The following PIEZO2 variants were observed in gnomAD, a reference collection of about 807,000 sequenced individuals.
PIEZO2 encodes the protein piezo-type mechanosensitive ion channel component 2.
A neutral mutation model predicts 337.3 loss-of-function variants in PIEZO2; 172 were observed. The ratio of observed to expected loss-of-function variants is 0.51; its 90% confidence interval spans 0.45 to 0.58. PIEZO2 has a LOEUF of 0.58. PIEZO2 is among the 20% of genes least tolerant of loss of function. The probability of loss-of-function intolerance (pLI) is 0.00; values close to 1 mark genes in which losing one functional copy is unlikely to be tolerated. For missense variants in PIEZO2, 3,028 were observed against 3,391.3 expected, an observed-to-expected ratio of 0.89 and a Z score of 2.66; for synonymous variants, 1,251 against 1,228.5, an observed-to-expected ratio of 1.02 and a Z score of -0.38.
At chr18:10,715,921 C>T in intron 37 of PIEZO2, 105 bp from the exon 38 acceptor site, 1 of 898,522 alleles carries the variant, frequency 1.1e-6, no homozygotes, top group Non-Finnish European at 1.6e-6. Context: ...GGCTCTTGGC[C>T]CGTGCATCTA....
At position 10,773,254 on chromosome 18, in the gene PIEZO2, A is replaced by G. The variant is rs2038665823; in HGVS notation, c.2785+158T>C. 6.6e-6 allele frequency among the ~76,000 whole-genome samples: 1 copy of G among 152,256 alleles called. No homozygotes were observed. Among genetic ancestry groups the G allele is most frequent in the African/African-American group, 2.4e-5 (1 of 41,476 alleles). On this transcript the variant is annotated intron_variant, in intron 20 of 55. Coordinates refer to ENST00000674853, the MANE Select transcript of PIEZO2 (RefSeq NM_001378183.1). The surrounding 1 kb of genome is among the most constrained non-coding windows in gnomAD (Gnocchi z 5.3). The stretch of plus-strand genomic sequence containing the variant: ...AAAAGAAATTGTTGGAGCAATTGGA[A>G]CAGTAATATTATAACTATAGCAATC...
chr18:10,791,573 A>C, intron 13 of PIEZO2: 1 of 263,794 alleles, frequency 3.8e-6, no homozygotes, highest in Non-Finnish European at 7.3e-6. Context: ...AGATGAACCC[A>C]ACCTTTCTAA....
In PIEZO2 at chr18:10,726,551, G is replaced by A; in HGVS notation, c.5029+4856C>T. The A allele has an allele frequency of 1.4e-6, 2 of 1,412,892 alleles. No individual in the cohort carries two copies. Among genetic ancestry groups the A allele is most frequent in the Admixed American group, 2.5e-5 (1 of 39,970 alleles). The allele number at this position is 1,412,892 out of a possible 1,614,324, so 87.5% of individuals were successfully genotyped here. Reference sequence around the variant, plus strand: ...GCTGCTCTGCTCTGCTACACCAGCCGCCACGCTGTGCGTCTGTCCTTCCGC... The same window carrying A: ...GCTGCTCTGCTCTGCTACACCAGCCACCACGCTGTGCGTCTGTCCTTCCGC... On this transcript the variant is annotated intron_variant, in intron 36 of 55. Transcript: ENST00000674853. The surrounding 1 kb of genome is among the most constrained non-coding windows in gnomAD (Gnocchi z 5.9).
intron 36 of PIEZO2, among the ~76,000 whole-genome samples, chr18:10,730,852 G>A (rs866368620): frequency 3.3e-5 from 5 of 151,962 alleles, no homozygotes; most frequent in Non-Finnish European, 5.9e-5. Flanking sequence ...TCAGCCTCCC[G>A]AGTAGCTGGG....
At chr18:10,725,366 G>A (rs1358869684) in intron 36 of PIEZO2, 23 of 1,605,722 alleles carry the variant, frequency 1.4e-5, no homozygotes, top group South Asian at 2.2e-5. Context: ...TGTCCCAGGC[G>A]GTGATGATGG....
chr18:11,065,849 T>C (rs893080603), intron 2 of PIEZO2, among the ~76,000 whole-genome samples: 4 of 152,250 alleles, frequency 2.6e-5, no homozygotes, highest in Non-Finnish European at 5.9e-5. Flanking sequence ...GAGTTAGTAG[T>C]GTTAACTAGC....
chr18:10,761,803 A>C (rs1374151873), intron 23 of PIEZO2, among the ~76,000 whole-genome samples: 3 of 152,204 alleles, frequency 2.0e-5, no homozygotes, highest in Admixed American at 1.3e-4. Context: ...TACATTTAAA[A>C]ATCCCAGGTG....
chr18:10,788,998 T>C (rs1012325070), intron 15 of PIEZO2, 81 bp downstream of exon 15: 2 of 1,373,252 alleles, frequency 1.5e-6, no homozygotes, highest in Non-Finnish European at 1.9e-6. Context: ...GAGATTCTAG[T>C]GATTTAAAAT....
intron 2 of PIEZO2, among the ~76,000 whole-genome samples, chr18:11,056,041 G>A (rs1052253863): frequency 6.6e-6 from 1 of 152,164 alleles, no homozygotes; most frequent in African/African-American, 2.4e-5. Context: ...CCCTTGCAGG[G>A]ATACCTGGCA....
chr18:10,733,222 ATGAGAAT>A (rs1206802809), intron 35 of PIEZO2, among the ~76,000 whole-genome samples: 2 of 152,188 alleles, frequency 1.3e-5, no homozygotes, highest in African/African-American at 4.8e-5. Flanking sequence ...CCTCACTGCC[ATGAGAAT>A]TGAGGTATGC....
chr18:11,132,636 C>G lies in PIEZO2; in HGVS notation c.64+15889G>C, dbSNP rs1467840750. On this transcript the variant is annotated intron_variant, in intron 1 of 55. Transcript: ENST00000674853. This position sits in a 1 kb window ranked among gnomAD's most constrained non-coding sequence, Gnocchi z 4.7. Reference sequence around the variant, plus strand: ...CTTCCTGTTCCCGTGACATTACGTTCTGCTGGCCTAGAGGTCTTAGTTCCA... The same window carrying G: ...CTTCCTGTTCCCGTGACATTACGTTGTGCTGGCCTAGAGGTCTTAGTTCCA... Among the ~76,000 whole-genome samples the G allele has an allele frequency of 1.3e-5, 2 of 152,066 alleles. No homozygotes were observed. The highest frequency in any genetic ancestry group is 4.8e-5 in the African/African-American group (2 of 41,360).
At chr18:10,698,145 G>T (rs992885248) in intron 44 of PIEZO2, among the ~76,000 whole-genome samples, 2 of 152,218 alleles carry the variant, frequency 1.3e-5, no homozygotes, top group African/African-American at 4.8e-5. Flanking sequence ...AGTTTTTATT[G>T]TGCTAACTAG....
At chr18:10,756,789 G>A (rs2037876032) in intron 27 of PIEZO2, among the ~76,000 whole-genome samples, 1 of 150,140 alleles carries the variant, frequency 6.7e-6, no homozygotes, top group African/African-American at 2.5e-5. Flanking sequence ...AAGATTAGGA[G>A]GGGGGATGGA....
chr18:10,771,365 T>A (rs2038598070), intron 20 of PIEZO2, among the ~76,000 whole-genome samples: 2 of 152,256 alleles, frequency 1.3e-5, no homozygotes, highest in Admixed American at 1.3e-4. Context: ...TTACTTATTT[T>A]ATTATTTCTA....
Position 10,868,574 on chromosome 18 carries a change from T to TATG in PIEZO2, c.492+2678_492+2679insCAT, listed in dbSNP as rs538538584. 1.4e-3 allele frequency among the ~76,000 whole-genome samples: 214 copies of TATG among 152,302 alleles called. 2 individuals are homozygous for TATG. The highest frequency in any genetic ancestry group is 4.3e-3 in the African/African-American group (179 of 41,560). ...CTGAGAAGGAAAATAATTCCATAATTATATTTAGTATTTTCAATGTCCCTA... is the reference window on the plus strand; with the variant it reads ...CTGAGAAGGAAAATAATTCCATAATTATGATATTTAGTATTTTCAATGTCCCTA... On this transcript the variant is annotated intron_variant, in intron 5 of 55. Transcript: ENST00000674853.
At chr18:11,023,997 C>G (rs1055013430) in intron 2 of PIEZO2, among the ~76,000 whole-genome samples, 3 of 152,300 alleles carry the variant, frequency 2.0e-5, no homozygotes, top group Middle Eastern at 6.8e-3. Flanking sequence ...GCAAGCCCCA[C>G]GCGCAGCCCC....
At position 11,116,892 on chromosome 18, in the gene PIEZO2, T is replaced by C. The variant is rs915830418; in HGVS notation, c.64+31633A>G. Among the ~76,000 whole-genome samples the C allele has an allele frequency of 2.0e-5, 3 of 152,144 alleles. No individual in the cohort carries two copies. Among genetic ancestry groups the C allele is most frequent in the African/African-American group, 7.2e-5 (3 of 41,436 alleles). ...GTGAGGCCAAGGCAGGAGGATCACT[T>C]GAGGTCAGGGGTTCAAAACCAGCCT... is the stretch of plus-strand genomic sequence containing the variant. On this transcript the variant is annotated intron_variant, in intron 1 of 55. Coordinates refer to ENST00000674853, the MANE Select transcript of PIEZO2 (RefSeq NM_001378183.1). This position sits in a 1 kb window ranked among gnomAD's most constrained non-coding sequence, Gnocchi z 5.0.
intron 47 of PIEZO2, among the ~76,000 whole-genome samples, chr18:10,695,076 C>T (rs966245886): frequency 2.6e-5 from 4 of 152,366 alleles, no homozygotes; most frequent in Admixed American, 2.6e-4. Context: ...TCACCTTCTG[C>T]AGAGCCTTTT....
chr18:11,069,475 C>T lies in PIEZO2; in HGVS notation c.65-3253G>A, dbSNP rs1218126722. On this transcript the variant is annotated intron_variant, in intron 1 of 55. Transcript: ENST00000674853. This position sits in a 1 kb window ranked among gnomAD's most constrained non-coding sequence, Gnocchi z 4.9. ...AGAAAAACTATCTGACAAAATTCAACACCCTTCATGGTAAAAATTCTCAAC... is the reference window on the plus strand; with the variant it reads ...AGAAAAACTATCTGACAAAATTCAATACCCTTCATGGTAAAAATTCTCAAC... Among the ~76,000 whole-genome samples, 1 of 152,186 alleles carries T rather than the reference C, an allele frequency of 6.6e-6. No individual in the cohort carries two copies. Among genetic ancestry groups the T allele is most frequent in the Non-Finnish European group, 1.5e-5 (1 of 68,022 alleles).
Sources: allele counts gnomAD v4.1 joint callset (sites outside exome capture counted in the v4.1 genomes callset), GRCh38; gene constraint gnomAD v4.1.1; non-coding constraint Gnocchi (gnomAD v3.1); transcripts MANE v1.5; gene names NCBI Gene and HGNC (gene_info 2026-07-23, HGNC 2026-07-21).